Variants in SLC5A3 observed in about 807,000 individuals in gnomAD.
SLC5A3 encodes the protein solute carrier family 5 member 3, also known as sodium/myo-inositol cotransporter.
SLC5A3 carries 10 observed loss-of-function variants against 43.2 expected under a neutral mutation model. The ratio of observed to expected loss-of-function variants is 0.23; its 90% confidence interval spans 0.14 to 0.39. The LOEUF is 0.39. Among genes scored for constraint, SLC5A3 ranks in the 10% least tolerant of loss-of-function variants. The probability of loss-of-function intolerance (pLI) is 1.00; values close to 1 mark genes in which losing one functional copy is unlikely to be tolerated. For synonymous variants in SLC5A3, 349 were observed against 322.0 expected (o/e 1.08, Z -0.90); for missense variants, 608 against 893.4 (o/e 0.68, Z 4.07).
In SLC5A3 at chr21:34,097,231, T is replaced by A. The variant is rs781226805; in HGVS notation, c.2033T>A (p.Met678Lys). ...AGCAAGAGGAGTCTCAGAGACCTGA[T>A]GGAAGAGGAGGCTGTTTGTTTACAG... ...SLSKRSLRDL[M>K]EEEAVCLQML... The change falls in exon 2 of 2, where the codon ATG (methionine) becomes AAG (lysine). Residue 678 changes from methionine to lysine, a missense_variant. Around this residue, in one of 2 missense-constraint regions of SLC5A3, gnomAD observed 210 missense variants for 224.8 expected, o/e 0.93. Coordinates refer to ENST00000381151, the MANE Select transcript of SLC5A3 (RefSeq NM_006933.7). 1 of 1,614,060 alleles carries A rather than the reference T, an allele frequency of 6.2e-7. No individual in the cohort carries two copies.
rs187381894 is a variant in SLC5A3, at chr21:34,085,921, C to T, written c.-336-8942C>T. Among the ~76,000 whole-genome samples, 3 of 152,294 alleles carry T rather than the reference C, an allele frequency of 2.0e-5. No individual in the cohort carries two copies. In the East Asian group the frequency reaches 5.8e-4, roughly 29 times the overall value. On this transcript the variant is annotated intron_variant, in intron 1 of 1. Coordinates refer to ENST00000381151, the MANE Select transcript of SLC5A3 (RefSeq NM_006933.7). Reference sequence around the variant, plus strand: ...CCGGCCAGAAATAAGGACTTTTAAACAACCGTAGTGCCTTTACACCTAACT... The same window carrying T: ...CCGGCCAGAAATAAGGACTTTTAAATAACCGTAGTGCCTTTACACCTAACT...
At chr21:34,084,996 C>T (rs996353035) in intron 1 of SLC5A3, among the ~76,000 whole-genome samples, 3 of 152,128 alleles carry the variant, frequency 2.0e-5, no homozygotes, top group South Asian at 2.1e-4. Flanking sequence ...GGGCCTTCCT[C>T]CTAACCACAA....
chr21:34,095,317 TC>T lies in SLC5A3; in HGVS notation c.121del (p.Leu41TrpfsTer6), dbSNP rs766301834. 1 of 1,614,170 alleles carries T rather than the reference TC, an allele frequency of 6.2e-7. No individual in the cohort carries two copies. The highest frequency in any genetic ancestry group is 1.7e-5 in the Admixed American group (1 of 60,022). On this transcript the variant is annotated frameshift_variant, in exon 2 of 2. Coordinates refer to ENST00000381151, the MANE Select transcript of SLC5A3 (RefSeq NM_006933.7). LOFTEE classifies it high-confidence loss of function. The part of the protein sequence containing the change: ...KSNRSTVSGY[F>X]LAGRSMTWVA... ...AATAGAAGCACCGTGAGTGGATACT[TC>T]CTGGCGGGGCGCTCTATGACCTGGG...
intron 1 of SLC5A3, among the ~76,000 whole-genome samples, chr21:34,087,411 C>G (rs886722202): frequency 6.6e-6 from 1 of 152,096 alleles, no homozygotes; most frequent in Non-Finnish European, 1.5e-5. Context: ...ATTTGAGCAC[C>G]TGTAATATGT....
chr21:34,077,401 T>C (rs1168613825), intron 1 of SLC5A3, among the ~76,000 whole-genome samples: 2 of 152,218 alleles, frequency 1.3e-5, no homozygotes, highest in African/African-American at 4.8e-5. Context: ...CGTGCCCTTT[T>C]CCCAGAAGGT....
In SLC5A3 at chr21:34,104,611, T is replaced by G; in HGVS notation, c.*7256T>G. ...TTTAGAAGAGTTAACCTGAACACTTTGAGGGAGAGATTATTCTTGCCAGCA... is the reference window on the plus strand; with the variant it reads ...TTTAGAAGAGTTAACCTGAACACTTGGAGGGAGAGATTATTCTTGCCAGCA... On this transcript the variant is annotated 3_prime_UTR_variant, in exon 2 of 2. Coordinates refer to ENST00000381151, the MANE Select transcript of SLC5A3 (RefSeq NM_006933.7). 5 of 1,000,216 alleles carry G rather than the reference T, an allele frequency of 5.0e-6. No homozygotes were observed. The highest frequency in any genetic ancestry group is 6.0e-6 in the Non-Finnish European group (5 of 829,964). The allele number at this position is 1,000,216 out of a possible 1,614,324, so 62.0% of individuals were successfully genotyped here. A position where few individuals can be genotyped will look rare whatever the true frequency, so the allele number is the denominator to read the frequency against.
intron 1 of SLC5A3, among the ~76,000 whole-genome samples, chr21:34,080,748 T>C (rs1373413312): frequency 6.6e-6 from 1 of 152,232 alleles, no homozygotes; most frequent in East Asian, 1.9e-4. Flanking sequence ...CTTTCATGTT[T>C]GTTCTGCTAT....
Position 34,103,119 on chromosome 21 carries a change from C to T in SLC5A3, c.*5764C>T. ...TTGGAAACAGAAACGAGGCTTATTGCTATTGCAGAAATCCCAAACTGGCAA... is the reference window on the plus strand; with the variant it reads ...TTGGAAACAGAAACGAGGCTTATTGTTATTGCAGAAATCCCAAACTGGCAA... On this transcript the variant is annotated 3_prime_UTR_variant, in exon 2 of 2. Transcript: ENST00000381151. The T allele has an allele frequency of 1.0e-6, 1 of 999,992 alleles. No individual in the cohort carries two copies. Among genetic ancestry groups the T allele is most frequent in the Non-Finnish European group, 1.2e-6 (1 of 829,866 alleles). The allele number at this position is 999,992 out of a possible 1,614,324, so 61.9% of individuals were successfully genotyped here.
Position 34,075,544 on chromosome 21 carries a change from C to CAA in SLC5A3, c.-337+1806_-337+1807dup, listed in dbSNP as rs753570977. Among the ~76,000 whole-genome samples, 4 of 148,548 alleles carry CAA rather than the reference C, an allele frequency of 2.7e-5. 1 individual carries two copies. Among genetic ancestry groups the CAA allele is most frequent in the African/African-American group, 9.9e-5 (4 of 40,328 alleles). On this transcript the variant is annotated intron_variant, in intron 1 of 1. Transcript: ENST00000381151. The stretch of plus-strand genomic sequence containing the variant: ...AAATCTTCGCATGAGGGAAGGGGGG[C>CAA]AAAAAAAAGAAAAAAAGCCCTAGAA...
At chr21:34,081,186 T>C (rs745737210) in intron 1 of SLC5A3, among the ~76,000 whole-genome samples, 1 of 152,118 alleles carries the variant, frequency 6.6e-6, no homozygotes, top group Admixed American at 6.6e-5. Context: ...TTTTAAACTT[T>C]CCACTTTAAT....
In SLC5A3 at chr21:34,105,590, G is replaced by A. The variant is rs966971056; in HGVS notation, c.*8235G>A. Reference sequence around the variant, plus strand: ...CAGATTTTTTGTAAGAGACCAGTTAGTACACTGGGGGTGTATATTGTGTAC... The same window carrying A: ...CAGATTTTTTGTAAGAGACCAGTTAATACACTGGGGGTGTATATTGTGTAC... On this transcript the variant is annotated 3_prime_UTR_variant, in exon 2 of 2. Transcript: ENST00000381151. The A allele has an allele frequency of 2.9e-5, 29 of 999,728 alleles. No homozygotes were observed. Among genetic ancestry groups the A allele is most frequent in the African/African-American group, 3.5e-5 (2 of 57,194 alleles). The allele number at this position is 999,728 out of a possible 1,614,324, so 61.9% of individuals were successfully genotyped here.
At position 34,098,569 on chromosome 21, in the gene SLC5A3, A is replaced by G. The variant is rs1158209304; in HGVS notation, c.*1214A>G. Reference sequence around the variant, plus strand: ...TCAGTGCAAACTGGCCGTCGGTAACAGAAAACTCAGTGCATACTTTGCTGT... The same window carrying G: ...TCAGTGCAAACTGGCCGTCGGTAACGGAAAACTCAGTGCATACTTTGCTGT... On this transcript the variant is annotated 3_prime_UTR_variant, in exon 2 of 2. Coordinates refer to ENST00000381151, the MANE Select transcript of SLC5A3 (RefSeq NM_006933.7). 6 of 1,000,162 alleles carry G rather than the reference A, an allele frequency of 6.0e-6. No homozygotes were observed. Among genetic ancestry groups the G allele is most frequent in the Middle Eastern group, 5.2e-4 (1 of 1,938 alleles). The allele number at this position is 1,000,162 out of a possible 1,614,324, so 62.0% of individuals were successfully genotyped here. A position where few individuals can be genotyped will look rare whatever the true frequency, so the allele number is the denominator to read the frequency against.
In SLC5A3 at chr21:34,096,537, T is replaced by A; in HGVS notation, c.1339T>A (p.Tyr447Asn). Residue 447 changes from tyrosine to asparagine, a missense_variant, in exon 2 of 2, where the codon TAC (tyrosine) becomes AAC (asparagine). This residue lies in a region of SLC5A3 where 398 missense variants were observed against 668.6 expected (regional missense o/e 0.60). Coordinates refer to ENST00000381151, the MANE Select transcript of SLC5A3 (RefSeq NM_006933.7). This position sits in a 1 kb window ranked among gnomAD's most constrained non-coding sequence, Gnocchi z 5.9. ...CCTTTACATTCAGGAGGTAGCAGATTACCTGACACCCCCAGTGGCAGCCTT... is the reference window on the plus strand; with the variant it reads ...CCTTTACATTCAGGAGGTAGCAGATAACCTGACACCCCCAGTGGCAGCCTT... Reference protein sequence around the residue: ...MYLYIQEVADYLTPPVAALFL... With the variant: ...MYLYIQEVADNLTPPVAALFL... 6.2e-7 allele frequency: 1 copy of A among 1,614,122 alleles called. No individual in the cohort carries two copies. The highest frequency in any genetic ancestry group is 1.1e-5 in the South Asian group (1 of 91,078).
chr21:34,103,580 C>T lies in SLC5A3; in HGVS notation c.*6225C>T, dbSNP rs535881858. The stretch of plus-strand genomic sequence containing the variant: ...CTAAAGTCCATAGAAAGCACAAAAT[C>T]GTGTTCACACATTAGTGTACCCACA... On this transcript the variant is annotated 3_prime_UTR_variant, in exon 2 of 2. Coordinates refer to ENST00000381151, the MANE Select transcript of SLC5A3 (RefSeq NM_006933.7). 7 of 1,000,120 alleles carry T rather than the reference C, an allele frequency of 7.0e-6. No homozygotes were observed. The highest frequency in any genetic ancestry group is 1.2e-4 in the Admixed American group (2 of 16,258). The allele number at this position is 1,000,120 out of a possible 1,614,324, so 62.0% of individuals were successfully genotyped here. A position where few individuals can be genotyped will look rare whatever the true frequency, so the allele number is the denominator to read the frequency against.
chr21:34,090,792 A>G (rs556911163), intron 1 of SLC5A3, among the ~76,000 whole-genome samples: 7 of 152,252 alleles, frequency 4.6e-5, no homozygotes, highest in African/African-American at 1.4e-4. Context: ...GCTCATAGAG[A>G]TGAAGTTGTT....
Position 34,101,195 on chromosome 21 carries a change from A to G in SLC5A3, c.*3840A>G, listed in dbSNP as rs1250326875. 26 of 1,000,070 alleles carry G rather than the reference A, an allele frequency of 2.6e-5. No individual in the cohort carries two copies. The highest frequency in any genetic ancestry group is 4.7e-5 in the South Asian group (1 of 21,292). The allele number at this position is 1,000,070 out of a possible 1,614,324, so 61.9% of individuals were successfully genotyped here. A position where few individuals can be genotyped will look rare whatever the true frequency, so the allele number is the denominator to read the frequency against. ...GATATTAGCCCGTTGGTAAAAGACA[A>G]CAAATATTAGCTTAAAATCTGCATA... On this transcript the variant is annotated 3_prime_UTR_variant, in exon 2 of 2. Coordinates refer to ENST00000381151, the MANE Select transcript of SLC5A3 (RefSeq NM_006933.7).
intron 1 of SLC5A3, among the ~76,000 whole-genome samples, chr21:34,093,699 T>C (rs371095104): frequency 3.9e-5 from 6 of 152,242 alleles, no homozygotes; most frequent in African/African-American, 1.2e-4. Flanking sequence ...GTTGTTCGTA[T>C]TGATCTGTCA....
At chr21:34,091,769 T>G (rs2148657852) in intron 1 of SLC5A3, among the ~76,000 whole-genome samples, 1 of 152,302 alleles carries the variant, frequency 6.6e-6, no homozygotes, top group South Asian at 2.1e-4. Flanking sequence ...CAAAGCACCT[T>G]TGTGTTCAAG....
chr21:34,075,338 T>G (rs1720622868), intron 1 of SLC5A3, among the ~76,000 whole-genome samples: 1 of 152,236 alleles, frequency 6.6e-6, no homozygotes, highest in African/African-American at 2.4e-5. Flanking sequence ...CCCTCCCCTT[T>G]GTTTTTGCCA....
Sources: allele counts gnomAD v4.1 joint callset (sites outside exome capture counted in the v4.1 genomes callset), GRCh38; gene constraint gnomAD v4.1.1; regional missense constraint gnomAD v4.1.1; non-coding constraint Gnocchi (gnomAD v3.1); transcripts MANE v1.5; gene names NCBI Gene and HGNC (gene_info 2026-07-23, HGNC 2026-07-21).